Variants in TEX46 observed in about 807,000 individuals in gnomAD.
TEX46 encodes the protein testis-expressed protein 46.
In TEX46, 6 loss-of-function variants were observed where a neutral mutation model predicts 5.3. The ratio of observed to expected loss-of-function variants is 1.13; its 90% CI spans 0.62 to 2.23. The LOEUF (loss-of-function observed/expected upper bound fraction) is 2.23, where lower values mean the gene tolerates loss of function less well. TEX46 is among the 30% of genes most tolerant of loss of function. The pLI, the probability that TEX46 is intolerant of heterozygous loss-of-function variation, is 0.00. For synonymous variants in TEX46, 41 were observed against 54.6 expected (o/e 0.75, Z 1.10); for missense variants, 131 against 150.9 (o/e 0.87, Z 0.69).
intron 2 of TEX46, among the ~76,000 whole-genome samples, chr1:23,011,940 A>G (rs1245279228): frequency 2.0e-5 from 3 of 152,282 alleles, no homozygotes; most frequent in African/African-American, 4.8e-5. Flanking sequence ...GCGAAGTCTC[A>G]ATGGTCTCAT....
chr1:23,012,771 T>C (rs1641371244), intron 2 of TEX46, among the ~76,000 whole-genome samples: 1 of 152,206 alleles, frequency 6.6e-6, no homozygotes, highest in African/African-American at 2.4e-5. Flanking sequence ...GAGAATTATC[T>C]GGCCCAATAT....
intron 1 of TEX46, among the ~76,000 whole-genome samples, chr1:23,014,906 C>G (rs994193504): frequency 6.6e-6 from 1 of 151,794 alleles, no homozygotes; most frequent in Non-Finnish European, 1.5e-5. Context: ...GCACTGGTAC[C>G]ATCTTGGCTC....
chr1:23,014,343 T>C (rs1481639525), intron 1 of TEX46, among the ~76,000 whole-genome samples: 4 of 152,082 alleles, frequency 2.6e-5, no homozygotes, highest in Non-Finnish European at 5.9e-5. Context: ...TGGGCCTCGC[T>C]ACTAGCAAAA....
intron 2 of TEX46, 194 bp from the exon 3 acceptor site, chr1:23,011,295 C>A: frequency 1.9e-6 from 1 of 529,188 alleles, no homozygotes; most frequent in Non-Finnish European, 3.4e-6. Context: ...AGGTGGTTTA[C>A]AAACATTATC....
At chr1:23,012,069 G>T (rs1450647597) in intron 2 of TEX46, among the ~76,000 whole-genome samples, 9 of 151,726 alleles carry the variant, frequency 5.9e-5, no homozygotes, top group Admixed American at 5.9e-4. Context: ...TAAAAATTAA[G>T]CCAGGTGTGG....
intron 1 of TEX46, among the ~76,000 whole-genome samples, chr1:23,014,326 G>C (rs911488883): frequency 7.9e-5 from 12 of 152,100 alleles, no homozygotes; most frequent in African/African-American, 2.7e-4. Flanking sequence ...TCATTCACCA[G>C]TACTTCTGGG....
chr1:23,014,955 G>A (rs1641398876), intron 1 of TEX46, among the ~76,000 whole-genome samples: 1 of 151,908 alleles, frequency 6.6e-6, no homozygotes, highest in African/African-American at 2.4e-5. Flanking sequence ...CGATTTTCCT[G>A]CCTTAGCCTC....
At chr1:23,014,566 AT>A (rs1455270269) in intron 1 of TEX46, among the ~76,000 whole-genome samples, 1 of 151,538 alleles carries the variant, frequency 6.6e-6, no homozygotes, top group Non-Finnish European at 1.5e-5. Flanking sequence ...ATTTTATTTT[AT>A]TTTTGAGACA....
rs1641386612 is a variant in TEX46, at chr1:23,014,040, A to G, written c.8T>C (p.Leu3Pro). The stretch of plus-strand genomic sequence containing the variant: ...GCCTGCGGAGGCAAGTATCCCATGG[A>G]GACTCCTAAAGAGAAATATCAGTTC... MS[L>P]HGILASAGTI... The change falls in exon 2 of 3, where the codon CTC (leucine) becomes CCC (proline). Residue 3 changes from leucine (L) to proline (P), a missense_variant. By Grantham distance (98) the Leu-to-Pro change is moderately conservative. Transcript: ENST00000566855. 1 of 1,535,732 alleles carries G rather than the reference A, an allele frequency of 6.5e-7. No homozygotes were observed.
chr1:23,013,700 C>G (rs901662361), intron 2 of TEX46, among the ~76,000 whole-genome samples, 183 bp downstream of exon 2: 1 of 152,046 alleles, frequency 6.6e-6, no homozygotes, highest in Non-Finnish European at 1.5e-5. Flanking sequence ...ACTGAGGCCT[C>G]GTGGAGGGAA....
In TEX46 at chr1:23,013,955, T is replaced by C. The variant is rs943043332; in HGVS notation, c.93A>G (p.Leu31=). ...AGTTGCTAAGCAACAGCAGAAGGAA[T>C]AGGAACCCAAACAAGGCTGGCTTAT... ...MSYKPALFGF[L]FLLLLLSNWL... is the part of the protein sequence containing the mutation. The change falls in exon 2 of 3, where the codon CTA becomes CTG. Residue 31 remains leucine (L), a synonymous_variant. Transcript: ENST00000566855. The C allele has an allele frequency of 3.3e-6, 5 of 1,535,980 alleles. No individual in the cohort carries two copies. Among genetic ancestry groups the C allele is most frequent in the East Asian group, 2.4e-5 (1 of 40,932 alleles).
chr1:23,010,916 C>T lies in TEX46; in HGVS notation c.351G>A (p.Ser117=). The change falls in exon 3 of 3, where the codon TCG becomes TCA. Residue 117 remains serine, a synonymous_variant. Transcript: ENST00000566855. Reference sequence around the variant, plus strand: ...CTCGGCCTCATTAGCTGGGGGAACTCGAAGTACAGTCAGACAGGGTGGGGC... The same window carrying T: ...CTCGGCCTCATTAGCTGGGGGAACTTGAAGTACAGTCAGACAGGGTGGGGC... ...SICPTLSDCT[S]SSPS 2 of 1,527,728 alleles carry T rather than the reference C, an allele frequency of 1.3e-6. No individual in the cohort carries two copies. The highest frequency in any genetic ancestry group is 1.8e-6 in the Non-Finnish European group (2 of 1,139,788). 94.6% of individuals were successfully genotyped at this position (1,527,728 alleles called of 1,614,324 possible).
intron 2 of TEX46, among the ~76,000 whole-genome samples, chr1:23,013,522 T>C (rs1641379605): frequency 6.6e-6 from 1 of 152,238 alleles, no homozygotes; most frequent in Non-Finnish European, 1.5e-5. Flanking sequence ...TATGTACATT[T>C]CTGCTGTCTT....
intron 1 of TEX46, 134 bp downstream of exon 1, chr1:23,015,638 T>C (rs1388464791): frequency 7.8e-5 from 47 of 600,258 alleles, no homozygotes; most frequent in Admixed American, 2.4e-4. Context: ...AAATGTTATA[T>C]ACACGCAATA....
Position 23,014,044 on chromosome 1 carries a change from T to C in TEX46, c.4A>G (p.Ser2Gly). 1.3e-6 allele frequency: 2 copies of C among 1,535,618 alleles called. No homozygotes were observed. The highest frequency in any genetic ancestry group is 1.7e-6 in the Non-Finnish European group (2 of 1,146,658). The change falls in exon 2 of 3, where the codon AGT becomes GGT. Residue 2 changes from serine to glycine, a missense_variant and splice_region_variant. By Grantham distance (56) the Ser-to-Gly change is moderately conservative (BLOSUM62 0). Coordinates refer to ENST00000566855, the MANE Select transcript of TEX46 (RefSeq NM_001242521.2). ...GCGGAGGCAAGTATCCCATGGAGAC[T>C]CCTAAAGAGAAATATCAGTTCTGCC... M[S>G]LHGILASAGT...
intron 1 of TEX46, among the ~76,000 whole-genome samples, chr1:23,015,355 G>A (rs982388128): frequency 7.1e-6 from 1 of 140,338 alleles, no homozygotes; most frequent in East Asian, 2.2e-4. Flanking sequence ...AGAATTGCTG[G>A]AACCCAGGAG....
intron 1 of TEX46, among the ~76,000 whole-genome samples, chr1:23,014,432 T>C (rs1354825896): frequency 3.3e-5 from 5 of 152,212 alleles, no homozygotes; most frequent in African/African-American, 9.6e-5. Context: ...GCTTTCACAG[T>C]TATACTAGCC....
rs746523685 is a variant in TEX46, at chr1:23,011,150, G to A, written c.166-49C>T. The A allele has an allele frequency of 8.0e-5, 115 of 1,434,516 alleles. No homozygotes were observed. In the African/African-American group the frequency reaches 1.5e-3, roughly 19 times the overall value. 88.9% of individuals were successfully genotyped at this position (1,434,516 alleles called of 1,614,324 possible). A position where few individuals can be genotyped will look rare whatever the true frequency, so the allele number is the denominator to read the frequency against. Reference sequence around the variant, plus strand: ...TTCTATTGACTTCTTTTGTGTTCACGGCCTTGCTGTTCTTGGAGTCGTTTT... The same window carrying A: ...TTCTATTGACTTCTTTTGTGTTCACAGCCTTGCTGTTCTTGGAGTCGTTTT... On this transcript the variant is annotated intron_variant, in intron 2 of 2. Transcript: ENST00000566855.
chr1:23,011,517 A>G (rs777852375), intron 2 of TEX46, among the ~76,000 whole-genome samples: 5 of 151,622 alleles, frequency 3.3e-5, no homozygotes, highest in Admixed American at 2.0e-4. Flanking sequence ...CTCAGCCTCC[A>G]GAGTAGCTGG....
Sources: allele counts gnomAD v4.1 joint callset (sites outside exome capture counted in the v4.1 genomes callset), GRCh38; gene constraint gnomAD v4.1.1; transcripts MANE v1.5; gene names NCBI Gene and HGNC (gene_info 2026-07-23, HGNC 2026-07-21).